FGF14: variants seen among roughly 807,000 people sequenced by gnomAD.
The protein encoded by FGF14 is fibroblast growth factor homologous factor 4.
A neutral mutation model predicts 25.5 loss-of-function variants in FGF14; 5 were observed. The observed-to-expected ratio is 0.20, with a 90% confidence interval of 0.10 to 0.41. FGF14 has a LOEUF of 0.41. Ranked by LOEUF, FGF14 falls within the 10% of genes least tolerant of loss-of-function variation. The pLI is 1.00. For missense variants in FGF14, 222 were observed against 320.1 expected, an observed-to-expected ratio of 0.69 and a Z score of 2.34; for synonymous variants, 138 against 118.3, an observed-to-expected ratio of 1.17 and a Z score of -1.08.
chr13:102,167,204 G>A (rs901915239), intron 1 of FGF14, among the ~76,000 whole-genome samples: 3 of 150,716 alleles, frequency 2.0e-5, no homozygotes, highest in African/African-American at 4.9e-5. Flanking sequence ...TGGACATGGT[G>A]GCATGCCCCT....
At chr13:102,313,641 G>A (rs1461719692) in intron 1 of FGF14, among the ~76,000 whole-genome samples, 2 of 152,134 alleles carry the variant, frequency 1.3e-5, no homozygotes, top group Non-Finnish European at 2.9e-5. Flanking sequence ...AGTTCACATT[G>A]TTGGTTTTAA....
chr13:101,808,593 G>A (rs895416873), intron 3 of FGF14, among the ~76,000 whole-genome samples: 1 of 152,082 alleles, frequency 6.6e-6, no homozygotes, highest in Admixed American at 6.6e-5. Flanking sequence ...TGAGCTATTA[G>A]TAATGAAAAT....
intron 1 of FGF14, among the ~76,000 whole-genome samples, chr13:102,145,538 C>T (rs1457305): frequency 0.025 from 3,806 of 152,240 alleles, 175 homozygotes; most frequent in African/African-American, 0.087. Flanking sequence ...TCTGGTTTCT[C>T]GTACTGACTT....
At chr13:102,370,004 T>A (rs899302732) in intron 1 of FGF14, among the ~76,000 whole-genome samples, 1 of 152,162 alleles carries the variant, frequency 6.6e-6, no homozygotes, top group African/African-American at 2.4e-5. Flanking sequence ...AATCTTTTTT[T>A]TTTTTGAGAC....
intron 3 of FGF14, among the ~76,000 whole-genome samples, chr13:101,837,861 A>C (rs1253969381): frequency 6.6e-6 from 1 of 152,042 alleles, no homozygotes; most frequent in Non-Finnish European, 1.5e-5. Context: ...CATTTGAGTC[A>C]GTGGACTGGG....
chr13:102,287,384 T>C (rs2054159766), intron 1 of FGF14, among the ~76,000 whole-genome samples: 1 of 152,216 alleles, frequency 6.6e-6, no homozygotes, highest in Admixed American at 6.5e-5. Context: ...ATAATCACTA[T>C]AATCACTATG....
At chr13:102,297,536 CTG>C (rs1338357104) in intron 1 of FGF14, among the ~76,000 whole-genome samples, 1 of 151,994 alleles carries the variant, frequency 6.6e-6, no homozygotes, top group Non-Finnish European at 1.5e-5. Flanking sequence ...AATGAGAACT[CTG>C]TACTCTCTCT....
intron 1 of FGF14, among the ~76,000 whole-genome samples, chr13:102,083,762 G>A (rs1225449983): frequency 6.6e-6 from 1 of 152,186 alleles, no homozygotes; most frequent in Admixed American, 6.5e-5. Context: ...ACACTTTCTT[G>A]TGCTCTCTTG....
intron 1 of FGF14, among the ~76,000 whole-genome samples, chr13:101,904,048 T>C (rs1358480970): frequency 1.3e-5 from 2 of 152,196 alleles, no homozygotes; most frequent in Non-Finnish European, 2.9e-5. Context: ...TAAGATCTAA[T>C]TCATGAGGGA....
chr13:102,385,275 C>A (rs751914799), intron 1 of FGF14, among the ~76,000 whole-genome samples: 11 of 152,166 alleles, frequency 7.2e-5, no homozygotes, highest in Non-Finnish European at 1.3e-4. Context: ...CAACCCTGAA[C>A]CTATAGAAGA....
At chr13:101,875,075 T>A in intron 2 of FGF14, 111 bp downstream of exon 2, 1 of 776,038 alleles carries the variant, frequency 1.3e-6, no homozygotes, top group South Asian at 1.4e-5. Context: ...GTAACATTTG[T>A]AAAGATGAAC....
chr13:102,376,891 G>A (rs998776899), intron 1 of FGF14, among the ~76,000 whole-genome samples: 1 of 152,228 alleles, frequency 6.6e-6, no homozygotes, highest in African/African-American at 2.4e-5. Flanking sequence ...TTTGTTGTTT[G>A]CTGTCACTGG....
Position 102,323,880 on chromosome 13 carries a change from T to G in FGF14, c.208+77591A>C, listed in dbSNP as rs16951754. On this transcript the variant is annotated intron_variant, in intron 1 of 4. Coordinates refer to the FGF14 transcript ENST00000376131. ...CAAATTTAGTTCAGGTCAGTGATTA[T>G]TTCATTAAGCCTTCAAACCACTGCT... is the stretch of plus-strand genomic sequence containing the variant. 8.7e-3 allele frequency among the ~76,000 whole-genome samples: 1,317 copies of G among 152,232 alleles called. 19 individuals carry two copies. Among genetic ancestry groups the G allele is most frequent in the African/African-American group, 0.029 (1,218 of 41,530 alleles).
intron 1 of FGF14, among the ~76,000 whole-genome samples, chr13:101,966,347 C>T (rs61966468): frequency 0.024 from 3,622 of 152,204 alleles, 75 homozygotes; most frequent in Middle Eastern, 0.048. Flanking sequence ...TCAAGGATTG[C>T]CAAAGACCAA....
chr13:101,717,479 CTAT>C lies in FGF14; in HGVS notation c.*5349_*5351del, dbSNP rs368370995. The C allele has an allele frequency of 2.2e-4, 34 of 152,124 alleles. 1 individual carries two copies. The East Asian group carries it at 4.3e-3, about 19-fold the overall frequency. The allele number at this position is 152,124 out of a possible 1,614,324, so 9.4% of individuals were successfully genotyped here. A position where few individuals can be genotyped will look rare whatever the true frequency, so the allele number is the denominator to read the frequency against. On this transcript the variant is annotated 3_prime_UTR_variant, in exon 5 of 5. Transcript: ENST00000376143. ...CTAAACATTTTAAGCTGTGAACAAC[CTAT>C]TATTATTGTTTTGTAGCAATTTTGA... is the stretch of plus-strand genomic sequence containing the variant.
rs541774250 is a variant in FGF14, at chr13:102,380,507, A to C, written c.208+20964T>G. Among the ~76,000 whole-genome samples, 3 of 152,276 alleles carry C rather than the reference A, an allele frequency of 2.0e-5. No homozygotes were observed. The East Asian group carries it at 5.8e-4, about 29-fold the overall frequency. On this transcript the variant is annotated intron_variant, in intron 1 of 4. Coordinates refer to the FGF14 transcript ENST00000376131. Reference sequence around the variant, plus strand: ...TGATTGACCCTGAGAATGTCTAGCTACTTCAGGAGAGGCTCTACCTACTTA... The same window carrying C: ...TGATTGACCCTGAGAATGTCTAGCTCCTTCAGGAGAGGCTCTACCTACTTA...
upstream of FGF14, chr13:102,402,441 G>A (rs528666313): frequency 6.6e-6 from 1 of 152,338 alleles, no homozygotes; most frequent in Admixed American, 6.5e-5. Flanking sequence ...TTAGAGGGAG[G>A]AGGAGGAGGA....
At chr13:101,845,155 C>A (rs776430238) in intron 3 of FGF14, among the ~76,000 whole-genome samples, 3 of 152,006 alleles carry the variant, frequency 2.0e-5, no homozygotes, top group African/African-American at 7.2e-5. Context: ...ATCGGTGAAG[C>A]AAAATTTCCT....
chr13:101,851,161 T>C (rs956960269), intron 3 of FGF14, among the ~76,000 whole-genome samples: 5 of 151,984 alleles, frequency 3.3e-5, no homozygotes, highest in Non-Finnish European at 7.4e-5. Context: ...CCTAATCCAA[T>C]ATGTCTGGTG....
Sources: gnomAD v4.1 joint callset for allele counts (sites outside exome capture counted in the v4.1 genomes callset) on GRCh38, gnomAD v4.1.1 for gene constraint, MANE v1.5 for transcripts, NCBI Gene and HGNC (gene_info 2026-07-23, HGNC 2026-07-21) for gene names.